PPFIBP2: variants seen among roughly 807,000 people sequenced by gnomAD.
PPFIBP2 encodes the protein liprin-beta-2.
In PPFIBP2, 118 loss-of-function variants were observed where a neutral mutation model predicts 118.3. That is an observed-to-expected ratio of 1.00 (90% CI 0.86 to 1.16). PPFIBP2 has a LOEUF of 1.16. PPFIBP2 is among the 50% of genes most tolerant of loss of function. The probability of loss-of-function intolerance (pLI) is 0.00; values close to 1 mark genes in which losing one functional copy is unlikely to be tolerated. For missense variants in PPFIBP2, 1,195 were observed against 1,073.1 expected (o/e 1.11, Z -1.59); for synonymous variants, 414 against 397.4 (o/e 1.04, Z -0.50).
intron 17 of PPFIBP2, among the ~76,000 whole-genome samples, chr11:7,644,798 C>A (rs932454074): frequency 6.6e-6 from 1 of 151,678 alleles, no homozygotes; most frequent in African/African-American, 2.4e-5. Flanking sequence ...GAGGCCGAGG[C>A]GGGCGGATCA....
intron 15 of PPFIBP2, chr11:7,640,934 T>A (rs947009867): frequency 1.0e-6 from 1 of 996,738 alleles, no homozygotes; most frequent in African/African-American, 1.7e-5. Context: ...TCGATGACAC[T>A]CTTTTGTTTA....
chr11:7,585,478 C>G lies in PPFIBP2; in HGVS notation c.280-7654C>G, dbSNP rs116119920. On this transcript the variant is annotated intron_variant, in intron 3 of 23. Coordinates refer to ENST00000299492, the MANE Select transcript of PPFIBP2 (RefSeq NM_003621.5). ...CTAGTTCAATGAAGTACAGTGCCAGCAGGAAGTCTCCTGGGTCATGCCAGT... is the reference window on the plus strand; with the variant it reads ...CTAGTTCAATGAAGTACAGTGCCAGGAGGAAGTCTCCTGGGTCATGCCAGT... 6.1e-3 allele frequency among the ~76,000 whole-genome samples: 925 copies of G among 152,300 alleles called. 10 individuals carry two copies. The highest frequency in any genetic ancestry group is 0.021 in the African/African-American group (870 of 41,552).
chr11:7,581,137 C>T (rs1270132461), intron 3 of PPFIBP2, among the ~76,000 whole-genome samples: 1 of 152,228 alleles, frequency 6.6e-6, no homozygotes, highest in African/African-American at 2.4e-5. Flanking sequence ...ATTCTCCTAA[C>T]AGACAAAGCC....
intron 3 of PPFIBP2, among the ~76,000 whole-genome samples, chr11:7,588,290 C>T (rs544855420): frequency 6.6e-6 from 1 of 152,302 alleles, no homozygotes; most frequent in Admixed American, 6.5e-5. Context: ...CTGCTGGAAT[C>T]TTGCTGGTCA....
downstream of PPFIBP2, among the ~76,000 whole-genome samples, chr11:7,657,705 T>G (rs1854789089): frequency 6.6e-6 from 1 of 152,122 alleles, no homozygotes; most frequent in Non-Finnish European, 1.5e-5. Context: ...CTAGTCCCCT[T>G]CATGAGGGAA....
chr11:7,544,373 C>T lies in PPFIBP2; in HGVS notation c.-36-5067C>T, dbSNP rs78301409. Among the ~76,000 whole-genome samples the T allele has an allele frequency of 5.6e-3, 858 of 152,200 alleles. 7 individuals are homozygous for T. Among genetic ancestry groups the T allele is most frequent in the African/African-American group, 0.02 (820 of 41,522 alleles). On this transcript the variant is annotated intron_variant, in intron 1 of 23. Transcript: ENST00000299492. The stretch of plus-strand genomic sequence containing the variant: ...TGTGTCCACTTCTTTCTTTCCTGGG[C>T]GGTTGGGTGCCCCTCGTACAGTCCC...
rs1858297982 is a variant in PPFIBP2 at position 7,586,809 on chromosome 11, T to A, written c.280-6323T>A. Among the ~76,000 whole-genome samples, 3 of 152,156 alleles carry A rather than the reference T, an allele frequency of 2.0e-5. No individual in the cohort carries two copies. The South Asian group carries it at 6.2e-4, about 32-fold the overall frequency. ...TGACTTGAAGTTCAGCTGGGCCAAA[T>A]GAGGGGAACAGGGAACCCAGAGCTC... On this transcript the variant is annotated intron_variant, in intron 3 of 23. Coordinates refer to ENST00000299492, the MANE Select transcript of PPFIBP2 (RefSeq NM_003621.5).
In PPFIBP2 at chr11:7,610,281, T is replaced by C. The variant is rs1256508697; in HGVS notation, c.487-10T>C. 4 of 1,613,114 alleles carry C rather than the reference T, an allele frequency of 2.5e-6. No homozygotes were observed. In the African/African-American group the frequency reaches 5.3e-5, roughly 21 times the overall value. ...TGGTTTCTGATTTCGAGATCTGTTT[T>C]TGCTTGCAGGAGCTGCTAAGCCGCA... On this transcript the variant is annotated splice_polypyrimidine_tract_variant and intron_variant, in intron 5 of 23. Coordinates refer to ENST00000299492, the MANE Select transcript of PPFIBP2 (RefSeq NM_003621.5).
intron 6 of PPFIBP2, among the ~76,000 whole-genome samples, chr11:7,612,801 C>T (rs1359401378): frequency 1.3e-5 from 2 of 152,208 alleles, no homozygotes; most frequent in African/African-American, 4.8e-5. Flanking sequence ...ACAAATTCCT[C>T]GTTCTTGTAA....
chr11:7,537,821 G>GCTCCCCA (rs1050645551), intron 1 of PPFIBP2, among the ~76,000 whole-genome samples: 5 of 151,868 alleles, frequency 3.3e-5, no homozygotes, highest in African/African-American at 1.2e-4. Context: ...TGCCCTCCCC[G>GCTCCCCA]CTCCCCACTC....
intron 1 of PPFIBP2, among the ~76,000 whole-genome samples, chr11:7,516,725 T>C (rs1849259101): frequency 6.6e-6 from 1 of 152,284 alleles, no homozygotes; most frequent in African/African-American, 2.4e-5. Flanking sequence ...CCCCTCTCTC[T>C]GTCTTCAAGG....
chr11:7,646,100 C>A (rs1853012739), intron 17 of PPFIBP2, among the ~76,000 whole-genome samples: 1 of 152,148 alleles, frequency 6.6e-6, no homozygotes, highest in African/African-American at 2.4e-5. Context: ...GAGTAGCCCT[C>A]TAGATTGTTG....
At chr11:7,583,589 C>T (rs1390624743) in intron 3 of PPFIBP2, among the ~76,000 whole-genome samples, 1 of 152,166 alleles carries the variant, frequency 6.6e-6, no homozygotes, top group East Asian at 1.9e-4. Context: ...ATTTCTGCAG[C>T]CCAGTGCTGT....
chr11:7,571,811 G>A (rs1855683479), intron 3 of PPFIBP2: 1 of 152,244 alleles, frequency 6.6e-6, no homozygotes, highest in Non-Finnish European at 1.5e-5. Flanking sequence ...GGCATCAGTG[G>A]TGGTTCTTTG....
intron 20 of PPFIBP2, 90 bp from the exon 21 acceptor site, chr11:7,649,442 G>T: frequency 1.3e-6 from 2 of 1,539,792 alleles, no homozygotes; most frequent in Non-Finnish European, 1.8e-6. Context: ...AGATGTGGTT[G>T]ACTTGTCTAT....
chr11:7,548,127 C>T (rs1590195716), intron 1 of PPFIBP2, among the ~76,000 whole-genome samples: 1 of 152,306 alleles, frequency 6.6e-6, no homozygotes, highest in East Asian at 1.9e-4. Flanking sequence ...CCCCATTTTA[C>T]AGATGAGGAA....
At chr11:7,522,752 CT>C (rs1407705436) in intron 1 of PPFIBP2, among the ~76,000 whole-genome samples, 1 of 152,158 alleles carries the variant, frequency 6.6e-6, no homozygotes, top group African/African-American at 2.4e-5. Flanking sequence ...ATGAGGCCTC[CT>C]TTTTGCCCTG....
At chr11:7,652,051 A>G (rs753549720) in intron 23 of PPFIBP2, among the ~76,000 whole-genome samples, 173 of 152,384 alleles carry the variant, frequency 1.1e-3, no homozygotes, top group African/African-American at 3.5e-3. Context: ...AAGACAGTGC[A>G]GGTTTCTTTA....
At chr11:7,517,827 C>A (rs1348808106) in intron 1 of PPFIBP2, among the ~76,000 whole-genome samples, 1 of 152,164 alleles carries the variant, frequency 6.6e-6, no homozygotes, top group African/African-American at 2.4e-5. Flanking sequence ...CAGTCTTCAG[C>A]GGCAAGGCAA....
Sources: gnomAD v4.1 joint callset for allele counts (sites outside exome capture counted in the v4.1 genomes callset) on GRCh38, gnomAD v4.1.1 for gene constraint, MANE v1.5 for transcripts, NCBI Gene and HGNC (gene_info 2026-07-23, HGNC 2026-07-21) for gene names.